OSBPL10: variants seen among roughly 807,000 people sequenced by gnomAD.
OSBPL10 encodes the protein oxysterol binding protein like 10, also known as oxysterol-binding protein-related protein 10.
OSBPL10 carries 49 observed loss-of-function variants against 81.7 expected under a neutral mutation model. The observed-to-expected ratio is 0.60, with a 90% CI of 0.48 to 0.76. The LOEUF is 0.76. Ranked by LOEUF, OSBPL10 falls within the 30% of genes least tolerant of loss-of-function variation. OSBPL10 has a pLI of 0.00. For synonymous variants in OSBPL10, 419 were observed against 383.6 expected, an observed-to-expected ratio of 1.09 and a Z score of -1.08; for missense variants, 923 against 987.8, an observed-to-expected ratio of 0.93 and a Z score of 0.88.
At chr3:31,813,252 T>C (rs1380090156) in intron 4 of OSBPL10, among the ~76,000 whole-genome samples, 1 of 152,188 alleles carries the variant, frequency 6.6e-6, no homozygotes, top group African/African-American at 2.4e-5. Flanking sequence ...CAAAGCATCT[T>C]TGAGTTGACA....
At chr3:31,730,007 T>C (rs1436316533) in intron 6 of OSBPL10, among the ~76,000 whole-genome samples, 1 of 152,170 alleles carries the variant, frequency 6.6e-6, no homozygotes, top group East Asian at 1.9e-4. Flanking sequence ...GTCTGGGACA[T>C]GTAGCTGTTT....
intron 4 of OSBPL10, among the ~76,000 whole-genome samples, chr3:31,815,436 C>T (rs1041359756): frequency 1.3e-5 from 2 of 152,146 alleles, no homozygotes; most frequent in Non-Finnish European, 2.9e-5. Flanking sequence ...AAAGTAGAAG[C>T]AAAATATGTT....
chr3:31,837,189 A>T (rs1026819590), intron 3 of OSBPL10, among the ~76,000 whole-genome samples: 9 of 152,012 alleles, frequency 5.9e-5, no homozygotes, highest in African/African-American at 2.2e-4. Context: ...AGGAAAGCTG[A>T]TAACTGTTAC....
At chr3:31,690,281 G>T (rs1239472469) in intron 7 of OSBPL10, among the ~76,000 whole-genome samples, 1 of 151,946 alleles carries the variant, frequency 6.6e-6, no homozygotes, top group Non-Finnish European at 1.5e-5. Flanking sequence ...TCTTTCTCCT[G>T]CTCTGGCCAT....
rs139180059 is a variant in OSBPL10 at position 31,864,436 on chromosome 3, C to T, written c.537+11997G>A. Among the ~76,000 whole-genome samples, 455 of 152,200 alleles carry T rather than the reference C, an allele frequency of 3.0e-3. 3 individuals carry two copies. Among genetic ancestry groups the T allele is most frequent in the African/African-American group, 0.01 (418 of 41,542 alleles). On this transcript the variant is annotated intron_variant, in intron 3 of 11. Coordinates refer to ENST00000396556, the MANE Select transcript of OSBPL10 (RefSeq NM_017784.5). ...TTTGTATTTTTGGTAGACAGGGTTT[C>T]GCCATGTTGCCCAGGCTGGTCTCGA...
At chr3:31,827,823 A>T (rs1271339524) in intron 4 of OSBPL10, among the ~76,000 whole-genome samples, 1 of 152,216 alleles carries the variant, frequency 6.6e-6, no homozygotes, top group African/African-American at 2.4e-5. Context: ...CTTGCATTAT[A>T]GAATTTATAT....
chr3:31,778,618 T>G (rs930737047), intron 4 of OSBPL10, among the ~76,000 whole-genome samples: 1 of 152,034 alleles, frequency 6.6e-6, no homozygotes. Context: ...AATCTAAACA[T>G]TTGGAAAACT....
intron 3 of OSBPL10, among the ~76,000 whole-genome samples, chr3:31,855,757 C>T (rs183210643): frequency 1.3e-5 from 2 of 152,106 alleles, no homozygotes; most frequent in African/African-American, 2.4e-5. Context: ...CAGACACCCC[C>T]ACTCTGAACA....
At position 31,967,130 on chromosome 3, in the gene OSBPL10, T is replaced by A. The variant is rs535752094; in HGVS notation, c.281+13769A>T. Among the ~76,000 whole-genome samples, 5 of 151,842 alleles carry A rather than the reference T, an allele frequency of 3.3e-5. No individual in the cohort carries two copies. The South Asian group carries it at 1.0e-3, about 32-fold the overall frequency. ...GATAATGCAAGACAAACCAAATCAATCTTGCACATCAAAACCAAGGTCAGG... is the reference window on the plus strand; with the variant it reads ...GATAATGCAAGACAAACCAAATCAAACTTGCACATCAAAACCAAGGTCAGG... On this transcript the variant is annotated intron_variant, in intron 1 of 11. Transcript: ENST00000396556.
intron 6 of OSBPL10, among the ~76,000 whole-genome samples, chr3:31,710,018 G>C (rs1397058576): frequency 1.3e-5 from 2 of 152,166 alleles, no homozygotes; most frequent in Admixed American, 1.3e-4. Flanking sequence ...TGAGTATTTG[G>C]GATAAAAGTC....
chr3:31,688,261 C>A (rs978708478), intron 7 of OSBPL10, among the ~76,000 whole-genome samples: 1 of 140,620 alleles, frequency 7.1e-6, no homozygotes, highest in Non-Finnish European at 1.5e-5. Context: ...TCCCTCCCTG[C>A]ACAAATCTCT....
chr3:31,686,604 A>G (rs760883961), intron 7 of OSBPL10, among the ~76,000 whole-genome samples: 1 of 152,216 alleles, frequency 6.6e-6, no homozygotes, highest in Non-Finnish European at 1.5e-5. Flanking sequence ...TTTATAATAC[A>G]CACAAGGAAG....
At chr3:32,045,358 G>C (rs1338971531) in intron 2 of OSBPL10, among the ~76,000 whole-genome samples, 1 of 152,162 alleles carries the variant, frequency 6.6e-6, no homozygotes, top group Non-Finnish European at 1.5e-5. Context: ...AATTTTAACA[G>C]CAGCTGTTAC....
intron 7 of OSBPL10, among the ~76,000 whole-genome samples, chr3:31,697,695 G>A (rs1013136487): frequency 1.3e-5 from 2 of 151,620 alleles, no homozygotes; most frequent in East Asian, 1.9e-4. Context: ...CAGTATCTTC[G>A]ATGCACATCC....
At chr3:31,863,162 C>T (rs1359228238) in intron 3 of OSBPL10, among the ~76,000 whole-genome samples, 1 of 152,040 alleles carries the variant, frequency 6.6e-6, no homozygotes, top group Non-Finnish European at 1.5e-5. Flanking sequence ...AAGCCAGACA[C>T]AAAGAGACAC....
chr3:31,965,997 A>AATATAT (rs368838696), intron 1 of OSBPL10, among the ~76,000 whole-genome samples: 3 of 126,246 alleles, frequency 2.4e-5, no homozygotes, highest in East Asian at 2.3e-4. Context: ...TATAAAATAT[A>AATATAT]ATATATATAT....
intron 2 of OSBPL10, chr3:31,989,458 A>T: frequency 6.2e-7 from 1 of 1,614,250 alleles, no homozygotes; most frequent in East Asian, 2.2e-5. Flanking sequence ...CCATGAAGCA[A>T]CTATGACACA....
intron 2 of OSBPL10, among the ~76,000 whole-genome samples, chr3:31,999,346 A>T (rs1699121442): frequency 6.7e-6 from 1 of 149,260 alleles, no homozygotes; most frequent in Non-Finnish European, 1.5e-5. Flanking sequence ...TTTTCAGATA[A>T]AAATATCAAA....
rs34579457 is a variant in OSBPL10, at chr3:31,761,813, T to TA, written c.730-13694dup. On this transcript the variant is annotated intron_variant, in intron 4 of 11. Transcript: ENST00000396556. ...CTGGGCAACAGAGCAAGACTGTCTC[T>TA]AAAAAAAAAAAAAAAAAACCCTAAA... Among the ~76,000 whole-genome samples the TA allele has an allele frequency of 3.2e-3, 341 of 107,504 alleles. 15 individuals carry two copies. The highest frequency in any genetic ancestry group is 6.2e-3 in the African/African-American group (98 of 15,704). 70.5% of individuals were successfully genotyped at this position (107,504 alleles called of 152,430 possible). A position where few individuals can be genotyped will look rare whatever the true frequency, so the allele number is the denominator to read the frequency against.
Sources: allele counts gnomAD v4.1 joint callset (sites outside exome capture counted in the v4.1 genomes callset), GRCh38; gene constraint gnomAD v4.1.1; transcripts MANE v1.5; gene names NCBI Gene and HGNC (gene_info 2026-07-23, HGNC 2026-07-21).